The following DARS2 variants were observed in gnomAD, a reference collection of about 807,000 sequenced individuals.
DARS2 encodes the protein aspartyl-tRNA synthetase 2, mitochondrial, also known as aspartate--tRNA ligase, mitochondrial.
Under a neutral mutation model 83.0 loss-of-function variants are expected in DARS2, and 63 were observed. That is an observed-to-expected ratio of 0.76 (90% CI 0.62 to 0.94). The LOEUF (loss-of-function observed/expected upper bound fraction) is 0.94. Among genes scored for constraint, DARS2 ranks in the 40% least tolerant of loss-of-function variants. The pLI, the probability that DARS2 is intolerant of heterozygous loss-of-function variation, is 0.00. For missense variants in DARS2, 675 were observed against 774.4 expected (o/e 0.87, Z 1.52); for synonymous variants, 250 against 269.3 (o/e 0.93, Z 0.70).
intron 5 of DARS2, among the ~76,000 whole-genome samples, chr1:173,833,096 A>C (rs577339158): frequency 3.3e-5 from 5 of 152,194 alleles, no homozygotes; most frequent in Non-Finnish European, 5.9e-5. Context: ...ATTTTTTTCA[A>C]GATTCAACTA....
Position 173,833,764 on chromosome 1 carries a change from A to G in DARS2, c.616+265A>G, listed in dbSNP as rs142655136. Among the ~76,000 whole-genome samples the G allele has an allele frequency of 6.6e-5, 10 of 151,446 alleles. No homozygotes were observed. The East Asian group carries it at 1.9e-3, about 29-fold the overall frequency. ...ACAGCCCTTTGGCTTTTTCTATAAGATTTCTTTTCTTTTTTTTTTTTGAGA... is the reference window on the plus strand; with the variant it reads ...ACAGCCCTTTGGCTTTTTCTATAAGGTTTCTTTTCTTTTTTTTTTTTGAGA... On this transcript the variant is annotated intron_variant, in intron 6 of 16. Transcript: ENST00000649689.
intron 6 of DARS2, among the ~76,000 whole-genome samples, chr1:173,834,142 A>T (rs570095757): frequency 2.0e-5 from 3 of 152,188 alleles, no homozygotes; most frequent in Admixed American, 6.5e-5. Context: ...TAGACATCTC[A>T]TTCAGTCCTG....
chr1:173,847,674 C>T (rs370625618), intron 12 of DARS2, among the ~76,000 whole-genome samples: 12 of 152,154 alleles, frequency 7.9e-5, no homozygotes, highest in African/African-American at 2.9e-4. Context: ...CCCATCCATC[C>T]TAGTATTCTG....
intron 1 of DARS2, among the ~76,000 whole-genome samples, 182 bp downstream of exon 1, chr1:173,825,538 C>T (rs1367448275): frequency 3.3e-5 from 5 of 151,458 alleles, no homozygotes; most frequent in Non-Finnish European, 7.4e-5. Context: ...GCGCGATCTC[C>T]GCTCACTGCA....
Position 173,828,341 on chromosome 1 carries a change from C to T in DARS2, c.236C>T (p.Thr79Ile), listed in dbSNP as rs1652670705. The T allele has an allele frequency of 7.2e-7, 1 of 1,394,596 alleles. No individual in the cohort carries two copies. Among genetic ancestry groups the T allele is most frequent in the African/African-American group, 1.4e-5 (1 of 69,090 alleles). 86.4% of individuals were successfully genotyped at this position (1,394,596 alleles called of 1,614,324 possible). A position where few individuals can be genotyped will look rare whatever the true frequency, so the allele number is the denominator to read the frequency against. The change falls in exon 3 of 17, where the codon ACA becomes ATA. Residue 79 changes from threonine (T) to isoleucine (I), a missense_variant. Thr to Ile is a moderately conservative substitution (Grantham distance 89). Coordinates refer to ENST00000649689, the MANE Select transcript of DARS2 (RefSeq NM_018122.5). ...CCCCCCCCATTAATCAGGCAAAACA[C>T]ATTCTTGGTCCTAAGAGATTTCGAT... Reference protein sequence around the residue: ...CGWIQYRRQNTFLVLRDFDGL... With the variant: ...CGWIQYRRQNIFLVLRDFDGL...
At chr1:173,826,825 G>A in intron 2 of DARS2, 39 bp downstream of exon 2, 1 of 1,449,944 alleles carries the variant, frequency 6.9e-7, no homozygotes, top group Non-Finnish European at 9.7e-7. Context: ...CATGGTGGTG[G>A]TTTTCCCAGG....
chr1:173,849,261 C>T (rs1430636100), intron 12 of DARS2, among the ~76,000 whole-genome samples: 1 of 151,276 alleles, frequency 6.6e-6, no homozygotes, highest in Non-Finnish European at 1.5e-5. Flanking sequence ...GGGCCGGGTG[C>T]AGTGACTCAC....
At position 173,845,307 on chromosome 1, in the gene DARS2, G is replaced by C. The variant is rs370707177; in HGVS notation, c.1191+16G>C. On this transcript the variant is annotated intron_variant, in intron 12 of 16. Coordinates refer to ENST00000649689, the MANE Select transcript of DARS2 (RefSeq NM_018122.5). ...TTTTAATCAGGTAAGGAGTTAATTA[G>C]AGCAGTTTTTTTCCTTATACAGATT... 4 of 1,590,582 alleles carry C rather than the reference G, an allele frequency of 2.5e-6. No homozygotes were observed. The highest frequency in any genetic ancestry group is 3.5e-6 in the Non-Finnish European group (4 of 1,159,266).
At chr1:173,854,054 CA>C in intron 15 of DARS2, 149 bp downstream of exon 15, 1 of 704,584 alleles carries the variant, frequency 1.4e-6, no homozygotes, top group Non-Finnish European at 2.5e-6. Context: ...TAGCTCACTG[CA>C]ATCTCAGTCT....
intron 11 of DARS2, 66 bp from the exon 12 acceptor site, chr1:173,845,163 C>T (rs1369735646): frequency 6.4e-6 from 6 of 934,816 alleles, no homozygotes; most frequent in South Asian, 2.7e-5. Flanking sequence ...GTCATTTGAT[C>T]GCATAACCAT....
intron 16 of DARS2, 86 bp from the exon 17 acceptor site, chr1:173,857,432 G>A (rs1032137768): frequency 6.5e-5 from 90 of 1,394,510 alleles, no homozygotes; most frequent in Non-Finnish European, 8.4e-5. Context: ...TTATTTAAAA[G>A]TTTTCTACAA....
At chr1:173,838,052 T>C (rs1571985542) in intron 8 of DARS2, 138 bp from the exon 9 acceptor site, 1 of 719,208 alleles carries the variant, frequency 1.4e-6, no homozygotes, top group Middle Eastern at 3.6e-4. Context: ...GGATTATAGG[T>C]ATGAGCCGCC....
chr1:173,827,362 G>A lies in DARS2; in HGVS notation c.227+576G>A, dbSNP rs143357036. On this transcript the variant is annotated intron_variant, in intron 2 of 16. Transcript: ENST00000649689. ...CTTAAAGAATATGTCCCAGCCTGGC[G>A]TGTAAGCCTGTAATCCCAGCACTTT... Among the ~76,000 whole-genome samples, 867 of 152,248 alleles carry A rather than the reference G, an allele frequency of 5.7e-3. 4 individuals carry two copies. Among genetic ancestry groups the A allele is most frequent in the South Asian group, 0.014 (66 of 4,826 alleles).
chr1:173,840,733 A>C, intron 10 of DARS2, 133 bp from the exon 11 acceptor site: 1 of 665,284 alleles, frequency 1.5e-6, no homozygotes, highest in Non-Finnish European at 2.7e-6. Context: ...CCCATGGTAA[A>C]CACTCTTTGA....
chr1:173,834,724 G>GTTTTTTTTTT (rs1203102003), intron 7 of DARS2, among the ~76,000 whole-genome samples: 1 of 14,806 alleles, frequency 6.8e-5, no homozygotes, highest in African/African-American at 2.5e-4. Flanking sequence ...TTTCCTTTGA[G>GTTTTTTTTTT]TTTTTTTGTT....
chr1:173,829,287 A>G (rs1462761420), intron 3 of DARS2, among the ~76,000 whole-genome samples: 1 of 151,970 alleles, frequency 6.6e-6, no homozygotes, highest in Non-Finnish European at 1.5e-5. Flanking sequence ...GTATCTGGTA[A>G]CATTAGGTGC....
At chr1:173,839,034 C>T (rs1055222414) in intron 9 of DARS2, among the ~76,000 whole-genome samples, 1 of 152,144 alleles carries the variant, frequency 6.6e-6, no homozygotes, top group African/African-American at 2.4e-5. Context: ...CACGCCTGGC[C>T]AATAGCATTT....
rs1033741320 is a variant in DARS2, at chr1:173,831,733, T to A, written c.492+103T>A. Reference sequence around the variant, plus strand: ...AAGAAAAGTTTAACTTCTACAAAATTAAGCATTTTATTGTAGACACATCAT... The same window carrying A: ...AAGAAAAGTTTAACTTCTACAAAATAAAGCATTTTATTGTAGACACATCAT... On this transcript the variant is annotated intron_variant, in intron 5 of 16. Coordinates refer to ENST00000649689, the MANE Select transcript of DARS2 (RefSeq NM_018122.5). 5 of 939,694 alleles carry A rather than the reference T, an allele frequency of 5.3e-6. No individual in the cohort carries two copies. The Admixed American group carries it at 9.5e-5, about 18-fold the overall frequency. 58.2% of individuals were successfully genotyped at this position (939,694 alleles called of 1,614,324 possible).
intron 2 of DARS2, 38 bp from the exon 3 acceptor site, chr1:173,828,295 A>C: frequency 6.3e-7 from 1 of 1,598,024 alleles, no homozygotes; most frequent in Non-Finnish European, 8.6e-7. Context: ...TAGAGATTTT[A>C]TCTTAAAATG....
Sources: gnomAD v4.1 joint callset for allele counts (sites outside exome capture counted in the v4.1 genomes callset) on GRCh38, gnomAD v4.1.1 for gene constraint, MANE v1.5 for transcripts, NCBI Gene and HGNC (gene_info 2026-07-23, HGNC 2026-07-21) for gene names.